SPTBN4: variants seen among roughly 807,000 people sequenced by gnomAD.
SPTBN4 encodes spectrin beta chain, non-erythrocytic 4.
A neutral mutation model predicts 277.8 loss-of-function variants in SPTBN4; 96 were observed. The observed-to-expected ratio is 0.35, with a 90% confidence interval of 0.29 to 0.41. SPTBN4 has a LOEUF of 0.41. SPTBN4 is among the 10% of genes least tolerant of loss of function. The pLI is 1.00. For missense variants in SPTBN4, 3,006 were observed against 3,595.7 expected (o/e 0.84, Z 4.19); for synonymous variants, 1,481 against 1,580.3 (o/e 0.94, Z 1.49).
intron 2 of SPTBN4, among the ~76,000 whole-genome samples, chr19:40,484,170 ATT>A (rs1351612031): frequency 2.0e-5 from 3 of 152,194 alleles, no homozygotes; most frequent in African/African-American, 7.2e-5. Context: ...GATCTTACTC[ATT>A]CTTTCCATAT....
At position 40,557,322 on chromosome 19, in the gene SPTBN4, G is replaced by A. The variant is rs149982216; in HGVS notation, c.5589G>A (p.Pro1863=). The change falls in exon 26 of 36, where the codon CCG becomes CCA. Residue 1863 remains proline (P), a synonymous_variant. Transcript: ENST00000598249. The part of the protein sequence containing the change: ...KRRRLPRLTT[P]PEPRPSASSM... ...GGCGGCTGCCCCGCCTGACCACCCC[G>A]CCTGAGCCGAGACCCAGTGCCAGTT... 6.2e-6 allele frequency: 10 copies of A among 1,612,998 alleles called. No individual in the cohort carries two copies. In the East Asian group the frequency reaches 6.7e-5, roughly 11 times the overall value.
In SPTBN4 at chr19:40,490,918, T is replaced by C. The variant is rs1037195276; in HGVS notation, c.495+670T>C. On this transcript the variant is annotated intron_variant, in intron 4 of 35. Transcript: ENST00000598249. The surrounding 1 kb of genome is among the most constrained non-coding windows in gnomAD (Gnocchi z 4.3). ...TTAGCCAGGCATGGTGGTGCATGCCTGTGGTCCCAGCTACTCAGGAGGCTG... is the reference window on the plus strand; with the variant it reads ...TTAGCCAGGCATGGTGGTGCATGCCCGTGGTCCCAGCTACTCAGGAGGCTG... Among the ~76,000 whole-genome samples the C allele has an allele frequency of 2.0e-5, 3 of 152,036 alleles. No homozygotes were observed. The highest frequency in any genetic ancestry group is 7.2e-5 in the African/African-American group (3 of 41,388).
intron 2 of SPTBN4, among the ~76,000 whole-genome samples, chr19:40,473,569 C>T (rs980530604): frequency 1.3e-5 from 2 of 151,692 alleles, no homozygotes; most frequent in Non-Finnish European, 2.9e-5. Flanking sequence ...GTTGGTCAGG[C>T]TGGTCTCGAA....
chr19:40,483,205 A>C (rs2145816457), intron 2 of SPTBN4, among the ~76,000 whole-genome samples: 1 of 152,180 alleles, frequency 6.6e-6, no homozygotes, highest in South Asian at 2.1e-4. Flanking sequence ...GACAGGGCAG[A>C]ACCCAGTTGT....
chr19:40,490,263 G>A lies in SPTBN4; in HGVS notation c.495+15G>A, dbSNP rs750610231. 31 of 1,608,704 alleles carry A rather than the reference G, an allele frequency of 1.9e-5. No individual in the cohort carries two copies. Among genetic ancestry groups the A allele is most frequent in the Non-Finnish European group, 2.4e-5 (28 of 1,176,832 alleles). On this transcript the variant is annotated intron_variant, in intron 4 of 35. Coordinates refer to ENST00000598249, the MANE Select transcript of SPTBN4 (RefSeq NM_020971.3). This position sits in a 1 kb window ranked among gnomAD's most constrained non-coding sequence, Gnocchi z 4.3. ...TGCGCTTCCAGGTGACCCTCGAGTGGCCCCTGCCAAGCCCCGCAACATGGG... is the reference window on the plus strand; with the variant it reads ...TGCGCTTCCAGGTGACCCTCGAGTGACCCCTGCCAAGCCCCGCAACATGGG...
chr19:40,553,516 G>C (rs2080941735), intron 22 of SPTBN4, among the ~76,000 whole-genome samples: 1 of 152,000 alleles, frequency 6.6e-6, no homozygotes, highest in African/African-American at 2.4e-5. Context: ...TATCAGTTGA[G>C]TCACACAAAA....
Position 40,523,343 on chromosome 19 carries a change from G to A in SPTBN4, c.3655-94G>A, listed in dbSNP as rs563822325. On this transcript the variant is annotated intron_variant, in intron 16 of 35. Transcript: ENST00000598249. ...AACTGGAATGTTCTATGCTTGCAAGGTTGCGGGGAGTGGTGGCAAGCCAGG... is the reference window on the plus strand; with the variant it reads ...AACTGGAATGTTCTATGCTTGCAAGATTGCGGGGAGTGGTGGCAAGCCAGG... 9.8e-6 allele frequency: 12 copies of A among 1,220,240 alleles called. No individual in the cohort carries two copies. The African/African-American group carries it at 1.6e-4, about 17-fold the overall frequency. The allele number at this position is 1,220,240 out of a possible 1,614,324, so 75.6% of individuals were successfully genotyped here. A position where few individuals can be genotyped will look rare whatever the true frequency, so the allele number is the denominator to read the frequency against.
intron 18 of SPTBN4, among the ~76,000 whole-genome samples, chr19:40,532,142 G>T (rs1199882334): frequency 6.6e-6 from 1 of 151,874 alleles, no homozygotes; most frequent in Non-Finnish European, 1.5e-5. Context: ...GGCTTCATTT[G>T]ATACCCTTGG....
At chr19:40,528,318 T>A (rs1397969585) in intron 17 of SPTBN4, among the ~76,000 whole-genome samples, 2 of 152,006 alleles carry the variant, frequency 1.3e-5, no homozygotes, top group African/African-American at 2.4e-5. Flanking sequence ...GGCTCCAGAG[T>A]GGTACGGCCT....
At chr19:40,471,621 G>A (rs537395339) in intron 1 of SPTBN4, among the ~76,000 whole-genome samples, 8 of 152,242 alleles carry the variant, frequency 5.3e-5, no homozygotes, top group African/African-American at 1.7e-4. Context: ...TGCCCAGTTT[G>A]GAGTGCAGTG....
chr19:40,574,019 T>G (rs780373856), intron 35 of SPTBN4, among the ~76,000 whole-genome samples: 80 of 152,114 alleles, frequency 5.3e-4, no homozygotes, highest in Non-Finnish European at 7.6e-4. Context: ...GAAGAATGGC[T>G]TGAACCCGGG....
At chr19:40,529,885 C>A (rs1415375483) in intron 18 of SPTBN4, among the ~76,000 whole-genome samples, 9 of 152,106 alleles carry the variant, frequency 5.9e-5, no homozygotes, top group Non-Finnish European at 1.2e-4. Context: ...GGTTCAGGAA[C>A]CAGGTCTAAC....
At chr19:40,483,679 GA>G (rs1279136266) in intron 2 of SPTBN4, among the ~76,000 whole-genome samples, 1 of 152,148 alleles carries the variant, frequency 6.6e-6, no homozygotes, top group Non-Finnish European at 1.5e-5. Context: ...AGTGATGGCA[GA>G]AAAGATGCTA....
At position 40,549,259 on chromosome 19, in the gene SPTBN4, C is replaced by G; in HGVS notation, c.4430C>G (p.Pro1477Arg). 5.8e-6 allele frequency: 9 copies of G among 1,546,294 alleles called. No homozygotes were observed. The highest frequency in any genetic ancestry group is 7.8e-6 in the Non-Finnish European group (9 of 1,146,698). The change falls in exon 21 of 36, where the codon CCG (proline) becomes CGG (arginine). Residue 1477 changes from proline (P) to arginine (R), a missense_variant. Around this residue, in one of 5 missense-constraint regions of SPTBN4, gnomAD observed 1,759 missense variants for 2,061.5 expected, o/e 0.85. Transcript: ENST00000598249. Reference protein sequence around the residue: ...GELQAQTAALPLEPASKELVG... With the variant: ...GELQAQTAALRLEPASKELVG... ...CTGCAGGCGCAGACGGCGGCGCTGC[C>G]GCTGGAGCCGGCGAGCAAGGAGCTG...
intron 35 of SPTBN4, chr19:40,572,614 C>G (rs987908630): frequency 4.2e-5 from 24 of 568,000 alleles, no homozygotes; most frequent in Non-Finnish European, 6.3e-5. Context: ...AGTCCAACAT[C>G]TTTGCCGTGG....
chr19:40,524,512 CAAA>C, intron 17 of SPTBN4: 2 of 375,542 alleles, frequency 5.3e-6, no homozygotes, highest in South Asian at 2.0e-5. Flanking sequence ...GTCCCCCCTC[CAAA>C]AAAAAAATGT....
At position 40,503,228 on chromosome 19, in the gene SPTBN4, A is replaced by G. The variant is rs138809808; in HGVS notation, c.1362+295A>G. Among the ~76,000 whole-genome samples, 623 of 151,700 alleles carry G rather than the reference A, an allele frequency of 4.1e-3. 4 individuals are homozygous for G. The highest frequency in any genetic ancestry group is 0.014 in the African/African-American group (577 of 41,272). On this transcript the variant is annotated intron_variant, in intron 11 of 35. Coordinates refer to ENST00000598249, the MANE Select transcript of SPTBN4 (RefSeq NM_020971.3). ...TGTTTTAAGTGACAAGGGAGGTTGT[A>G]TCTTGTGTCTAGGGTAACTCAGAAG... is the stretch of plus-strand genomic sequence containing the variant.
At chr19:40,569,120 GTGC>G (rs909257420) in intron 31 of SPTBN4, among the ~76,000 whole-genome samples, 10 of 152,138 alleles carry the variant, frequency 6.6e-5, no homozygotes, top group African/African-American at 2.4e-4. Flanking sequence ...GTTGTTCTTT[GTGC>G]TGCTTAAAAT....
Position 40,490,182 on chromosome 19 carries a change from T to C in SPTBN4, c.429T>C (p.His143=), listed in dbSNP as rs1237744769. Residue 143 remains histidine (H), a synonymous_variant, in exon 4 of 36, where the codon CAT becomes CAC. Transcript: ENST00000598249. The surrounding 1 kb of genome is among the most constrained non-coding windows in gnomAD (Gnocchi z 4.3). ...QRVHLENVGS[H]DIVDGNHRLT... is the part of the protein sequence containing the mutation. ...TGCACCTGGAGAACGTGGGTTCGCA[T>C]GACATCGTGGATGGGAATCACCGGC... 6.2e-7 allele frequency: 1 copy of C among 1,614,216 alleles called. No individual in the cohort carries two copies. The highest frequency in any genetic ancestry group is 8.5e-7 in the Non-Finnish European group (1 of 1,180,032).
Sources: allele counts gnomAD v4.1 joint callset (sites outside exome capture counted in the v4.1 genomes callset), GRCh38; gene constraint gnomAD v4.1.1; regional missense constraint gnomAD v4.1.1; non-coding constraint Gnocchi (gnomAD v3.1); transcripts MANE v1.5; gene names NCBI Gene and HGNC (gene_info 2026-07-23, HGNC 2026-07-21).